Variants in GRAMD1C observed in about 807,000 individuals in gnomAD.
GRAMD1C encodes the protein protein Aster-C.
A neutral mutation model predicts 97.8 loss-of-function variants in GRAMD1C; 89 were observed. That is an observed-to-expected ratio of 0.91 (90% confidence interval 0.77 to 1.09). GRAMD1C has a LOEUF of 1.09. Among genes scored for constraint, GRAMD1C ranks in the 50% least tolerant of loss-of-function variants. The pLI, the probability that GRAMD1C is intolerant of heterozygous loss-of-function variation, is 0.00. For missense variants in GRAMD1C, 740 were observed against 766.4 expected, an observed-to-expected ratio of 0.97 and a Z score of 0.41; for synonymous variants, 256 against 267.0, an observed-to-expected ratio of 0.96 and a Z score of 0.40.
chr3:113,881,036 GT>G (rs1405992156), intron 5 of GRAMD1C, among the ~76,000 whole-genome samples: 2 of 152,118 alleles, frequency 1.3e-5, no homozygotes, highest in Non-Finnish European at 2.9e-5. Context: ...AATTTTAGTT[GT>G]TTTGGGTTCT....
At chr3:113,928,447 T>A (rs1937303995) in intron 10 of GRAMD1C, among the ~76,000 whole-genome samples, 1 of 152,218 alleles carries the variant, frequency 6.6e-6, no homozygotes, top group Non-Finnish European at 1.5e-5. Context: ...CTTGCCTAGA[T>A]TCATCAATTT....
At chr3:113,941,642 G>T (rs1383741086) in intron 17 of GRAMD1C, among the ~76,000 whole-genome samples, 3 of 135,124 alleles carry the variant, frequency 2.2e-5, no homozygotes, top group African/African-American at 2.8e-5. Flanking sequence ...TTTTTGAGAT[G>T]GAATCTCACT....
At chr3:113,875,437 T>C (rs1934986396) in intron 3 of GRAMD1C, 47 bp from the exon 4 acceptor site, 1 of 823,336 alleles carries the variant, frequency 1.2e-6, no homozygotes, top group Non-Finnish European at 2.1e-6. Context: ...GTCTATTAAT[T>C]TCTCAGATTT....
intron 13 of GRAMD1C, among the ~76,000 whole-genome samples, chr3:113,935,752 A>G (rs773221477): frequency 3.3e-5 from 5 of 152,168 alleles, no homozygotes; most frequent in Non-Finnish European, 7.3e-5. Context: ...TGGCCACTGA[A>G]TAAGTTTCTA....
intron 1 of GRAMD1C, among the ~76,000 whole-genome samples, chr3:113,842,123 A>G (rs1030189641): frequency 2.0e-5 from 3 of 152,372 alleles, no homozygotes; most frequent in Non-Finnish European, 4.4e-5. Flanking sequence ...GTATACCACC[A>G]TCGTGGAGTA....
chr3:113,905,752 G>A (rs771115419), intron 8 of GRAMD1C, among the ~76,000 whole-genome samples: 24 of 151,696 alleles, frequency 1.6e-4, no homozygotes, highest in Non-Finnish European at 2.9e-4. Context: ...CTGGAGTGCA[G>A]TGGTGTGATC....
rs745992456 is a variant in GRAMD1C at position 113,940,273 on chromosome 3, T to C, written c.1836T>C (p.Thr612=). The C allele has an allele frequency of 1.2e-6, 2 of 1,610,104 alleles. No homozygotes were observed. The highest frequency in any genetic ancestry group is 1.7e-6 in the Non-Finnish European group (2 of 1,176,288). Residue 612 remains threonine (T), a synonymous_variant, in exon 17 of 18, where the codon ACT becomes ACC. Transcript: ENST00000358160. ...LASDMVSRAE[T]IQKNKDQAHR... ...CTGATATGGTGTCAAGAGCAGAAACTATTCAGAAGAATAAAGATCAGGCCC... is the reference window on the plus strand; with the variant it reads ...CTGATATGGTGTCAAGAGCAGAAACCATTCAGAAGAATAAAGATCAGGCCC...
At chr3:113,887,981 G>C (rs115112507) in intron 6 of GRAMD1C, among the ~76,000 whole-genome samples, 2,334 of 152,140 alleles carry the variant, frequency 0.015, 42 homozygotes, top group African/African-American at 0.039. Context: ...AACAAGAAAA[G>C]AGATTGAATT....
chr3:113,922,090 T>C (rs995389405), intron 10 of GRAMD1C, among the ~76,000 whole-genome samples: 6 of 152,062 alleles, frequency 3.9e-5, no homozygotes, highest in African/African-American at 1.4e-4. Flanking sequence ...TTTTTCTTTT[T>C]CGAGATAGGG....
chr3:113,902,599 A>T (rs997130802), intron 7 of GRAMD1C, among the ~76,000 whole-genome samples: 1 of 152,176 alleles, frequency 6.6e-6, no homozygotes, highest in Admixed American at 6.5e-5. Context: ...TTGAGGAAAG[A>T]AAGAATATTT....
intron 6 of GRAMD1C, among the ~76,000 whole-genome samples, chr3:113,893,522 T>C (rs1212147218): frequency 1.3e-5 from 2 of 152,208 alleles, no homozygotes; most frequent in Non-Finnish European, 2.9e-5. Flanking sequence ...TTCTATAATA[T>C]GCATTACAGT....
chr3:113,908,380 C>T (rs1036188934), intron 8 of GRAMD1C, among the ~76,000 whole-genome samples: 15 of 152,142 alleles, frequency 9.9e-5, no homozygotes, highest in African/African-American at 3.6e-4. Context: ...ATATTAAATA[C>T]ATTTTAATGC....
chr3:113,888,496 G>C (rs1286068427), intron 6 of GRAMD1C, among the ~76,000 whole-genome samples: 4 of 151,954 alleles, frequency 2.6e-5, no homozygotes, highest in Non-Finnish European at 4.4e-5. Context: ...TTTTTCACCA[G>C]TACAAAAAAA....
rs371194067 is a variant in GRAMD1C, at chr3:113,904,252, G to T, written c.769G>T (p.Asp257Tyr). Residue 257 changes from aspartate to tyrosine, a missense_variant, in exon 8 of 18, where the codon GAT becomes TAT. By Grantham distance (160) the Asp-to-Tyr change is radical (BLOSUM62 -3). Transcript: ENST00000358160. ...ISRVSETESF[D>Y]GNSSKGGLGK... The stretch of plus-strand genomic sequence containing the variant: ...TCGGGTTTCAGAAACAGAGTCATTC[G>T]ATGGAAATTCATCAAAAGGAGTTAG... 5.0e-6 allele frequency: 8 copies of T among 1,605,554 alleles called. No individual in the cohort carries two copies. The East Asian group carries it at 1.8e-4, about 36-fold the overall frequency.
intron 2 of GRAMD1C, chr3:113,850,318 T>C: frequency 1.4e-6 from 1 of 719,516 alleles, no homozygotes; most frequent in Non-Finnish European, 2.6e-6. Context: ...CAGCCTCGAC[T>C]TTCTTGTTGG....
At chr3:113,913,095 T>C in intron 9 of GRAMD1C, 2 of 1,281,734 alleles carry the variant, frequency 1.6e-6, no homozygotes, top group Non-Finnish European at 2.0e-6. Flanking sequence ...CATGGATTAG[T>C]CATACGCTGT....
chr3:113,842,551 T>TG (rs78271985), intron 1 of GRAMD1C, among the ~76,000 whole-genome samples: 17,536 of 152,088 alleles, frequency 0.12, 1,335 homozygotes, highest in African/African-American at 0.21. Flanking sequence ...ATACTTCAGG[T>TG]GGAGGAGGTC....
upstream of GRAMD1C, among the ~76,000 whole-genome samples, chr3:113,835,108 T>C (rs1167414036): frequency 6.6e-6 from 1 of 152,140 alleles, no homozygotes; most frequent in Non-Finnish European, 1.5e-5. Context: ...TAATTAAGCA[T>C]TCCCCTGATT....
chr3:113,882,174 A>G (rs927061707), intron 5 of GRAMD1C, among the ~76,000 whole-genome samples: 25 of 152,322 alleles, frequency 1.6e-4, no homozygotes, highest in African/African-American at 6.0e-4. Flanking sequence ...AGAATTATAG[A>G]TTGAAACATA....
Sources: allele counts gnomAD v4.1 joint callset (sites outside exome capture counted in the v4.1 genomes callset), GRCh38; gene constraint gnomAD v4.1.1; transcripts MANE v1.5; gene names NCBI Gene and HGNC (gene_info 2026-07-23, HGNC 2026-07-21).